Variants in ROBO1 observed in about 807,000 individuals in gnomAD.
ROBO1 encodes the protein roundabout guidance receptor 1, also known as roundabout homolog 1.
Under a neutral mutation model 195.9 loss-of-function variants are expected in ROBO1, and 149 were observed. The observed-to-expected ratio is 0.76, with a 90% CI of 0.67 to 0.87. ROBO1 has a LOEUF of 0.87. ROBO1 is among the 40% of genes least tolerant of loss of function. ROBO1 has a pLI of 0.00. For missense variants in ROBO1, 1,933 were observed against 2,068.3 expected (o/e 0.93, Z 1.27); for synonymous variants, 816 against 733.2 (o/e 1.11, Z -1.82).
chr3:79,355,197 A>C (rs1230819094), intron 2 of ROBO1, among the ~76,000 whole-genome samples: 3 of 151,960 alleles, frequency 2.0e-5, no homozygotes, highest in African/African-American at 4.8e-5. Context: ...CAAAAAAAAA[A>C]CCATGCAAAT....
At chr3:79,557,865 A>G (rs925798337) in intron 2 of ROBO1, among the ~76,000 whole-genome samples, 2 of 151,556 alleles carry the variant, frequency 1.3e-5, no homozygotes, top group African/African-American at 4.8e-5. Flanking sequence ...GCATGACATC[A>G]TGGCAAATGA....
chr3:79,376,876 C>T (rs2036403861), intron 2 of ROBO1, among the ~76,000 whole-genome samples: 1 of 152,104 alleles, frequency 6.6e-6, no homozygotes, highest in Non-Finnish European at 1.5e-5. Flanking sequence ...AAGAGATTGT[C>T]TCCAAGGAAA....
chr3:78,953,259 C>A (rs866307807), intron 3 of ROBO1, among the ~76,000 whole-genome samples: 1 of 152,054 alleles, frequency 6.6e-6, no homozygotes, highest in African/African-American at 2.4e-5. Flanking sequence ...ACTAAGGGAA[C>A]TGGAAGGTTG....
intron 4 of ROBO1, among the ~76,000 whole-genome samples, chr3:78,920,319 T>C (rs930860606): frequency 5.9e-5 from 9 of 152,102 alleles, no homozygotes; most frequent in African/African-American, 1.9e-4. Flanking sequence ...TTTTTCTTTT[T>C]TTTGAGATGG....
intron 2 of ROBO1, among the ~76,000 whole-genome samples, chr3:79,390,214 T>C (rs1169678347): frequency 1.3e-5 from 2 of 152,116 alleles, no homozygotes; most frequent in Non-Finnish European, 2.9e-5. Flanking sequence ...TAAAATATTT[T>C]ATACGGTCTG....
rs181693926 is a variant in ROBO1, at chr3:79,731,650, C to T, written c.-51+36102G>A. 6.3e-3 allele frequency among the ~76,000 whole-genome samples: 964 copies of T among 152,108 alleles called. 7 individuals are homozygous for T. The highest frequency in any genetic ancestry group is 0.02 in the African/African-American group (837 of 41,480). On this transcript the variant is annotated intron_variant, in intron 1 of 30. Coordinates refer to ENST00000464233, the MANE Select transcript of ROBO1 (RefSeq NM_002941.4). ...TATTGAGTAGGCACAAATATTAGCC[C>T]ACCCTATACTTCAGGATAGATTGAT...
At chr3:79,714,751 A>G (rs1478866474) in intron 1 of ROBO1, among the ~76,000 whole-genome samples, 1 of 151,460 alleles carries the variant, frequency 6.6e-6, no homozygotes, top group Non-Finnish European at 1.5e-5. Flanking sequence ...TCACAAGGAC[A>G]AAAACCAAAC....
chr3:79,448,539 C>A (rs930354312), intron 2 of ROBO1, among the ~76,000 whole-genome samples: 9 of 152,098 alleles, frequency 5.9e-5, no homozygotes, highest in African/African-American at 2.2e-4. Context: ...CTCCATTATA[C>A]TGAAGTGTTC....
chr3:79,061,498 C>T, intron 3 of ROBO1, among the ~76,000 whole-genome samples: 1 of 152,148 alleles, frequency 6.6e-6, no homozygotes, highest in East Asian at 1.9e-4. Context: ...TTGGAAAAAA[C>T]TACTTTAAAG....
At chr3:78,705,249 G>C (rs1013920813) in intron 8 of ROBO1, among the ~76,000 whole-genome samples, 26 of 152,056 alleles carry the variant, frequency 1.7e-4, no homozygotes, top group African/African-American at 6.3e-4. Context: ...AATTAACAGG[G>C]ACCTGATGAA....
intron 1 of ROBO1, among the ~76,000 whole-genome samples, chr3:79,604,331 T>C (rs866495003): frequency 1.6e-4 from 24 of 152,180 alleles, no homozygotes; most frequent in African/African-American, 5.5e-4. Context: ...GTAATTATTA[T>C]GTGCTTCCAC....
intron 4 of ROBO1, among the ~76,000 whole-genome samples, chr3:78,810,265 T>C (rs942058177): frequency 6.6e-6 from 1 of 152,216 alleles, no homozygotes; most frequent in Non-Finnish European, 1.5e-5. Flanking sequence ...TTTTGGCTGG[T>C]TCACTCCAAA....
chr3:79,141,249 G>A (rs1421981422), intron 2 of ROBO1, among the ~76,000 whole-genome samples: 2 of 152,158 alleles, frequency 1.3e-5, no homozygotes, highest in East Asian at 3.9e-4. Flanking sequence ...CGTGTGTCCT[G>A]TATTTTGTGG....
intron 3 of ROBO1, among the ~76,000 whole-genome samples, chr3:79,096,597 G>A (rs1443111491): frequency 6.6e-6 from 1 of 151,382 alleles, no homozygotes; most frequent in South Asian, 2.1e-4. Flanking sequence ...TCCATAGGAA[G>A]ACTAGGCAAT....
intron 3 of ROBO1, among the ~76,000 whole-genome samples, chr3:78,959,017 G>T (rs1023805852): frequency 2.0e-5 from 3 of 151,540 alleles, no homozygotes; most frequent in African/African-American, 4.9e-5. Flanking sequence ...TTGCCAGGTG[G>T]GTCTCCAACT....
chr3:79,072,401 G>A (rs2079104748), intron 3 of ROBO1, among the ~76,000 whole-genome samples: 1 of 151,760 alleles, frequency 6.6e-6, no homozygotes, highest in Non-Finnish European at 1.5e-5. Flanking sequence ...ATATTACTTT[G>A]GGAGGGTGGA....
chr3:79,635,236 T>C (rs4856312), intron 1 of ROBO1, among the ~76,000 whole-genome samples: 138,416 of 152,244 alleles, frequency 0.91, 63,106 homozygotes, highest in African/African-American at 0.98. Flanking sequence ...TCTAAAGCTA[T>C]ATGCATGATG....
chr3:78,756,908 T>C (rs1205863308), intron 4 of ROBO1, among the ~76,000 whole-genome samples: 2 of 152,150 alleles, frequency 1.3e-5, no homozygotes, highest in Non-Finnish European at 2.9e-5. Flanking sequence ...TTTTTTGAGA[T>C]AGTTTCACTC....
At chr3:78,849,321 A>C (rs533216642) in intron 4 of ROBO1, among the ~76,000 whole-genome samples, 7 of 152,268 alleles carry the variant, frequency 4.6e-5, no homozygotes, top group Admixed American at 3.3e-4. Context: ...CATGTTTATT[A>C]GAGAGCTTTT....
Sources: allele counts gnomAD v4.1 joint callset (sites outside exome capture counted in the v4.1 genomes callset), GRCh38; gene constraint gnomAD v4.1.1; transcripts MANE v1.5; gene names NCBI Gene and HGNC (gene_info 2026-07-23, HGNC 2026-07-21).